Variants in REV3L observed in about 807,000 individuals in gnomAD.
REV3L encodes DNA polymerase zeta catalytic subunit.
A neutral mutation model predicts 299.4 loss-of-function variants in REV3L; 69 were observed. That is an observed-to-expected ratio of 0.23 (90% CI 0.19 to 0.28). The LOEUF is 0.28. Ranked by LOEUF, REV3L falls within the 10% of genes least tolerant of loss-of-function variation. The probability of loss-of-function intolerance (pLI) is 1.00; values close to 1 mark genes in which losing one functional copy is unlikely to be tolerated. For synonymous variants in REV3L, 1,238 were observed against 1,271.4 expected (o/e 0.97, Z 0.56); for missense variants, 3,128 against 3,693.8 (o/e 0.85, Z 3.97).
chr6:111,357,586 G>A (rs1582664758), intron 17 of REV3L, among the ~76,000 whole-genome samples: 1 of 152,016 alleles, frequency 6.6e-6, no homozygotes, highest in Admixed American at 6.6e-5. Flanking sequence ...CCAGCTACTC[G>A]GGAGGCTGAG....
intron 26 of REV3L, among the ~76,000 whole-genome samples, chr6:111,316,751 A>G (rs1773573533): frequency 6.6e-6 from 1 of 152,172 alleles, no homozygotes; most frequent in African/African-American, 2.4e-5. Context: ...AAAAAGACAC[A>G]CGGAAGAAAA....
intron 22 of REV3L, among the ~76,000 whole-genome samples, chr6:111,334,139 AT>A (rs1775680083): frequency 1.3e-5 from 2 of 152,188 alleles, no homozygotes; most frequent in East Asian, 3.9e-4. Flanking sequence ...GGGTTTCATC[AT>A]GTTGGCCAAG....
intron 25 of REV3L, among the ~76,000 whole-genome samples, chr6:111,326,668 T>C (rs748624889): frequency 1.4e-4 from 22 of 152,130 alleles, no homozygotes; most frequent in Non-Finnish European, 2.8e-4. Flanking sequence ...CCCATATTTA[T>C]TGTAGCACTA....
chr6:111,469,627 C>T (rs1791941485), intron 1 of REV3L, among the ~76,000 whole-genome samples: 1 of 152,138 alleles, frequency 6.6e-6, no homozygotes, highest in Non-Finnish European at 1.5e-5. Flanking sequence ...CTTCTGTAAA[C>T]CCTACTACTG....
At chr6:111,394,805 T>C (rs979468760) in intron 4 of REV3L, among the ~76,000 whole-genome samples, 2 of 151,256 alleles carry the variant, frequency 1.3e-5, no homozygotes, top group Non-Finnish European at 2.9e-5. Context: ...CAGGCTCAAA[T>C]GATCCTCCCA....
intron 31 of REV3L, among the ~76,000 whole-genome samples, chr6:111,302,574 A>T (rs1227463944): frequency 6.6e-6 from 1 of 152,102 alleles, no homozygotes; most frequent in Admixed American, 6.6e-5. Context: ...TTTAATCTTT[A>T]TTCTTTTTAC....
At position 111,311,225 on chromosome 6, in the gene REV3L, G is replaced by A. The variant is rs142379750; in HGVS notation, c.8639C>T (p.Thr2880Met). 1.4e-5 allele frequency: 22 copies of A among 1,609,448 alleles called. No individual in the cohort carries two copies. The highest frequency in any genetic ancestry group is 6.7e-5 in the South Asian group (6 of 89,904). ...CTGTTTAATTAGACTTATATCTCTC[G>A]TTTCAAATAGCAGCTTTAGAGAACG... ...LERSLKLLFE[T>M]RDISLIKQYV... Residue 2880 changes from threonine to methionine, a missense_variant, in exon 29 of 32, where the codon ACG (threonine) becomes ATG (methionine). Coordinates refer to ENST00000368802, the MANE Select transcript of REV3L (RefSeq NM_001372078.1).
intron 15 of REV3L, 134 bp from the exon 16 acceptor site, chr6:111,364,112 TC>T: frequency 8.3e-7 from 1 of 1,207,036 alleles, no homozygotes; most frequent in East Asian, 2.5e-5. Flanking sequence ...ATCTCTAAGT[TC>T]AAGAACAAAC....
At chr6:111,306,324 C>A (rs561535655) in intron 31 of REV3L, among the ~76,000 whole-genome samples, 1 of 152,166 alleles carries the variant, frequency 6.6e-6, no homozygotes, top group South Asian at 2.1e-4. Flanking sequence ...CGGCGAGGGG[C>A]ATTCACAGAC....
At chr6:111,358,294 C>T (rs957570693) in intron 17 of REV3L, among the ~76,000 whole-genome samples, 3 of 152,006 alleles carry the variant, frequency 2.0e-5, no homozygotes, top group South Asian at 4.2e-4. Context: ...CAGGAAAATA[C>T]CTGCATATGC....
Position 111,431,042 on chromosome 6 carries a change from A to G in REV3L, c.140-14570T>C, listed in dbSNP as rs1349735785. 2.6e-5 allele frequency: 40 copies of G among 1,538,190 alleles called. No individual in the cohort carries two copies. In the Middle Eastern group the frequency reaches 6.5e-4, roughly 25 times the overall value. Reference sequence around the variant, plus strand: ...GTGTTATATTTGAATTATGGGCCCTACAGTTCTTATGCACCGCATTATGAC... The same window carrying G: ...GTGTTATATTTGAATTATGGGCCCTGCAGTTCTTATGCACCGCATTATGAC... On this transcript the variant is annotated intron_variant, in intron 1 of 31. Transcript: ENST00000368802.
At chr6:111,464,441 T>C (rs1161240062) in intron 1 of REV3L, among the ~76,000 whole-genome samples, 4 of 152,128 alleles carry the variant, frequency 2.6e-5, no homozygotes, top group African/African-American at 9.7e-5. Context: ...TTCAGCAGCA[T>C]AGATAAAACA....
At position 111,302,909 on chromosome 6, in the gene REV3L, T is replaced by A. The variant is rs576428994; in HGVS notation, c.9253-2753A>T. Among the ~76,000 whole-genome samples the A allele has an allele frequency of 5.3e-5, 8 of 152,096 alleles. No homozygotes were observed. The South Asian group carries it at 8.3e-4, about 16-fold the overall frequency. The stretch of plus-strand genomic sequence containing the variant: ...CAGTGAGACTCCGTCTCAAAAAAAA[T>A]TTTTCAGTCAGATGCTTGCTTCATT... On this transcript the variant is annotated intron_variant, in intron 31 of 31. Transcript: ENST00000368802.
chr6:111,300,908 C>A (rs1046200392), intron 31 of REV3L, among the ~76,000 whole-genome samples: 1 of 152,190 alleles, frequency 6.6e-6, no homozygotes. Context: ...AGGATAACAG[C>A]GATTTGCAGG....
At chr6:111,448,039 T>C (rs1789061368) in intron 1 of REV3L, among the ~76,000 whole-genome samples, 1 of 152,230 alleles carries the variant, frequency 6.6e-6, no homozygotes, top group Admixed American at 6.5e-5. Flanking sequence ...CATGTCAGTA[T>C]TGAACTCTGT....
At chr6:111,440,320 G>C (rs1788108879) in intron 1 of REV3L, among the ~76,000 whole-genome samples, 1 of 152,060 alleles carries the variant, frequency 6.6e-6, no homozygotes, top group Non-Finnish European at 1.5e-5. Flanking sequence ...CCACCCACCT[G>C]GGCCTCCCAA....
intron 14 of REV3L, 62 bp downstream of exon 14, chr6:111,367,053 G>T: frequency 7.5e-7 from 1 of 1,336,526 alleles, no homozygotes; most frequent in Non-Finnish European, 1.0e-6. Flanking sequence ...ACAGTCTAAT[G>T]TTATCTTCAT....
chr6:111,301,615 C>T (rs776969394), intron 31 of REV3L, among the ~76,000 whole-genome samples: 6 of 152,156 alleles, frequency 3.9e-5, no homozygotes, highest in Non-Finnish European at 8.8e-5. Context: ...CCATCCCAGA[C>T]CCATAATGAG....
Position 111,335,583 on chromosome 6 carries a change from G to A in REV3L, c.7566C>T (p.Ser2522=). 2 of 1,609,500 alleles carry A rather than the reference G, an allele frequency of 1.2e-6. No individual in the cohort carries two copies. Among genetic ancestry groups the A allele is most frequent in the Non-Finnish European group, 1.7e-6 (2 of 1,177,828 alleles). Residue 2522 remains serine, a synonymous_variant, in exon 22 of 32, where the codon AGC becomes AGT. Transcript: ENST00000368802. ...YRWKMVDHYV[S]RVRGNLQMLE... is the part of the protein sequence containing the mutation. ...ACATTTGGAGATTTCCACGGACACG[G>A]CTAACATAATGATCAACCATTTTCC...
Sources: gnomAD v4.1 joint callset for allele counts (sites outside exome capture counted in the v4.1 genomes callset) on GRCh38, gnomAD v4.1.1 for gene constraint, MANE v1.5 for transcripts, NCBI Gene and HGNC (gene_info 2026-07-23, HGNC 2026-07-21) for gene names.